The following SPIDR variants were observed in gnomAD, a reference collection of about 807,000 sequenced individuals.
The protein encoded by SPIDR is scaffold protein involved in DNA repair.
A neutral mutation model predicts 104.6 loss-of-function variants in SPIDR; 93 were observed. That is an observed-to-expected ratio of 0.89 (90% CI 0.75 to 1.06). SPIDR has a LOEUF of 1.06. Among genes scored for constraint, SPIDR ranks in the 50% least tolerant of loss-of-function variants. The pLI, the probability that SPIDR is intolerant of heterozygous loss-of-function variation, is 0.00. For synonymous variants in SPIDR, 431 were observed against 416.9 expected (o/e 1.03, Z -0.41); for missense variants, 1,154 against 1,111.2 (o/e 1.04, Z -0.55).
chr8:47,405,967 G>C (rs2062699022), intron 6 of SPIDR, among the ~76,000 whole-genome samples: 1 of 152,174 alleles, frequency 6.6e-6, no homozygotes, highest in Non-Finnish European at 1.5e-5. Context: ...AGATACTGCT[G>C]TGTGTAGAGA....
At chr8:47,500,329 A>G (rs2080184092) in intron 8 of SPIDR, among the ~76,000 whole-genome samples, 1 of 151,996 alleles carries the variant, frequency 6.6e-6, no homozygotes, top group Non-Finnish European at 1.5e-5. Flanking sequence ...TTTAATTATC[A>G]CCATTCTAAC....
At chr8:47,579,060 A>T (rs754514947) in intron 8 of SPIDR, among the ~76,000 whole-genome samples, 7 of 152,170 alleles carry the variant, frequency 4.6e-5, no homozygotes. Flanking sequence ...GTTTTATTAG[A>T]GTAAATCTGA....
chr8:47,594,341 TG>T (rs551764053), intron 8 of SPIDR, among the ~76,000 whole-genome samples: 86 of 151,634 alleles, frequency 5.7e-4, no homozygotes, highest in African/African-American at 1.9e-3. Context: ...TGCCCCCAGC[TG>T]GGCGACAGAG....
intron 7 of SPIDR, among the ~76,000 whole-genome samples, chr8:47,408,908 C>G (rs2063118982): frequency 6.6e-6 from 1 of 152,154 alleles, no homozygotes; most frequent in Non-Finnish European, 1.5e-5. Context: ...AAATTCGGGA[C>G]CGGGCATGAT....
chr8:47,309,181 C>T (rs886996614), intron 5 of SPIDR, among the ~76,000 whole-genome samples: 3 of 152,070 alleles, frequency 2.0e-5, no homozygotes, highest in African/African-American at 7.2e-5. Context: ...AAATTTAGTG[C>T]TTGTAAAGGG....
At chr8:47,266,612 C>T (rs2034113028) in intron 1 of SPIDR, among the ~76,000 whole-genome samples, 1 of 152,150 alleles carries the variant, frequency 6.6e-6, no homozygotes, top group South Asian at 2.1e-4. Flanking sequence ...TTTCATTTCT[C>T]TGAGATAAAT....
intron 5 of SPIDR, among the ~76,000 whole-genome samples, chr8:47,320,707 T>C (rs2046381182): frequency 6.6e-6 from 1 of 152,166 alleles, no homozygotes; most frequent in South Asian, 2.1e-4. Flanking sequence ...AATAAAATAC[T>C]GGCAAACCAA....
intron 8 of SPIDR, among the ~76,000 whole-genome samples, chr8:47,564,429 C>T (rs2057511566): frequency 6.6e-6 from 1 of 152,050 alleles, no homozygotes; most frequent in Admixed American, 6.5e-5. Context: ...CCTGTAATCC[C>T]AACACTTTGG....
At chr8:47,300,477 T>G (rs1327398577) in intron 5 of SPIDR, among the ~76,000 whole-genome samples, 4 of 152,332 alleles carry the variant, frequency 2.6e-5, no homozygotes, top group Middle Eastern at 6.8e-3. Flanking sequence ...ATCTTATTTC[T>G]TGCCTCTGCT....
chr8:47,349,385 C>T (rs1464918180), intron 5 of SPIDR, among the ~76,000 whole-genome samples: 1 of 152,198 alleles, frequency 6.6e-6, no homozygotes, highest in Non-Finnish European at 1.5e-5. Flanking sequence ...TCAGTCAGCC[C>T]CTACTGGGAG....
At chr8:47,483,179 G>T (rs2077116785) in intron 8 of SPIDR, among the ~76,000 whole-genome samples, 2 of 151,848 alleles carry the variant, frequency 1.3e-5, no homozygotes, top group African/African-American at 4.8e-5. Flanking sequence ...TTGTGTGTGT[G>T]TCTTTTATTT....
At chr8:47,405,424 T>G (rs1554666743) in intron 6 of SPIDR, among the ~76,000 whole-genome samples, 1 of 152,108 alleles carries the variant, frequency 6.6e-6, no homozygotes, top group Non-Finnish European at 1.5e-5. Flanking sequence ...ACCAAAATTT[T>G]AAAATATTGT....
chr8:47,497,904 G>C (rs1019693835), intron 8 of SPIDR, among the ~76,000 whole-genome samples: 3 of 152,142 alleles, frequency 2.0e-5, no homozygotes, highest in Admixed American at 1.3e-4. Context: ...TTCATGTGGA[G>C]AGCCTGTTCA....
At chr8:47,619,119 T>C (rs2064766046) in intron 10 of SPIDR, among the ~76,000 whole-genome samples, 1 of 152,212 alleles carries the variant, frequency 6.6e-6, no homozygotes, top group Admixed American at 6.5e-5. Flanking sequence ...TTGTAATGAA[T>C]AATCTAAAAC....
intron 3 of SPIDR, among the ~76,000 whole-genome samples, chr8:47,286,156 T>C (rs990182067): frequency 2.0e-5 from 3 of 152,282 alleles, no homozygotes; most frequent in Middle Eastern, 3.4e-3. Flanking sequence ...GACAGTTACA[T>C]ATTTTCTTAG....
intron 8 of SPIDR, among the ~76,000 whole-genome samples, chr8:47,455,890 G>T (rs1420602775): frequency 6.6e-6 from 1 of 152,014 alleles, no homozygotes; most frequent in Non-Finnish European, 1.5e-5. Flanking sequence ...AGGAGAAATA[G>T]ATCTACGTTA....
intron 8 of SPIDR, among the ~76,000 whole-genome samples, chr8:47,515,383 C>T (rs978228998): frequency 2.0e-5 from 3 of 152,140 alleles, no homozygotes; most frequent in Admixed American, 1.3e-4. Context: ...CAACATCTGC[C>T]TGATAATTCT....
chr8:47,389,688 CAAAAAAAAAAAA>C (rs11295388), intron 5 of SPIDR, among the ~76,000 whole-genome samples: 3 of 62,026 alleles, frequency 4.8e-5, no homozygotes, highest in Admixed American at 2.0e-4. Context: ...GACTCCATCT[CAAAAAAAAAAAA>C]AAAAAAAAAA....
chr8:47,505,447 A>G (rs943548676), intron 8 of SPIDR, among the ~76,000 whole-genome samples: 6 of 152,308 alleles, frequency 3.9e-5, no homozygotes, highest in Middle Eastern at 3.4e-3. Flanking sequence ...TGTGCGGGAT[A>G]TAATCTCCTG....
Sources: allele counts gnomAD v4.1 joint callset (sites outside exome capture counted in the v4.1 genomes callset), GRCh38; gene constraint gnomAD v4.1.1; transcripts MANE v1.5; gene names NCBI Gene and HGNC (gene_info 2026-07-23, HGNC 2026-07-21).